The following TBC1D31 variants were observed in gnomAD, a reference collection of about 807,000 sequenced individuals.
TBC1D31 encodes the protein WD repeat domain 67.
In TBC1D31, 99 loss-of-function variants were observed where a neutral mutation model predicts 132.9. The observed-to-expected ratio is 0.74, with a 90% CI of 0.63 to 0.88. The LOEUF (loss-of-function observed/expected upper bound fraction) is 0.88, where lower values mean the gene tolerates loss of function less well. Ranked by LOEUF, TBC1D31 falls within the 40% of genes least tolerant of loss-of-function variation. The pLI is 0.00. For synonymous variants in TBC1D31, 385 were observed against 419.4 expected (o/e 0.92, Z 1.00); for missense variants, 1,134 against 1,256.6 (o/e 0.90, Z 1.48).
chr8:123,105,727 A>G (rs566448058), intron 8 of TBC1D31, among the ~76,000 whole-genome samples: 37 of 152,292 alleles, frequency 2.4e-4, no homozygotes, highest in Admixed American at 1.4e-3. Context: ...AAGAAAGAAA[A>G]TATAGCTATT....
At position 123,130,239 on chromosome 8, in the gene TBC1D31, A is replaced by C. The variant is rs761681110; in HGVS notation, c.2312A>C (p.His771Pro). ...AGAGAGCTGAAAGTAAAGGAAATGCACTTACAAGATGCTGCAAGAAGGCGT... is the reference window on the plus strand; with the variant it reads ...AGAGAGCTGAAAGTAAAGGAAATGCCCTTACAAGATGCTGCAAGAAGGCGT... The part of the protein sequence containing the change: ...VKRELKVKEM[H>P]LQDAARRRFL... The change falls in exon 16 of 22, where the codon CAC (histidine) becomes CCC (proline). Residue 771 changes from histidine to proline, a missense_variant. By Grantham distance (77) the His-to-Pro change is moderately conservative. Coordinates refer to ENST00000287380, the MANE Select transcript of TBC1D31 (RefSeq NM_145647.4). 1.2e-6 allele frequency: 2 copies of C among 1,613,190 alleles called. No homozygotes were observed. Among genetic ancestry groups the C allele is most frequent in the Non-Finnish European group, 1.7e-6 (2 of 1,179,538 alleles).
At chr8:123,101,290 C>G (rs1460977802) in intron 7 of TBC1D31, among the ~76,000 whole-genome samples, 1 of 152,198 alleles carries the variant, frequency 6.6e-6, no homozygotes, top group Non-Finnish European at 1.5e-5. Context: ...CTGCAATTCT[C>G]TCTCATGTTT....
chr8:123,108,580 C>T (rs948476757), intron 8 of TBC1D31, among the ~76,000 whole-genome samples: 10 of 152,122 alleles, frequency 6.6e-5, no homozygotes, highest in South Asian at 2.1e-4. Flanking sequence ...GGGCCTAATT[C>T]GGCTATTCAA....
chr8:123,154,878 T>C (rs527867238), downstream of TBC1D31, among the ~76,000 whole-genome samples: 2 of 152,298 alleles, frequency 1.3e-5, no homozygotes, highest in African/African-American at 2.4e-5. Context: ...AAACAGCACA[T>C]TGGAGCAAGG....
At chr8:123,114,037 T>C (rs1427186894) in intron 10 of TBC1D31, among the ~76,000 whole-genome samples, 1 of 152,156 alleles carries the variant, frequency 6.6e-6, no homozygotes, top group East Asian at 1.9e-4. Flanking sequence ...GTTACAGTGG[T>C]GTTGTGACTA....
Position 123,121,424 on chromosome 8 carries a change from G to A in TBC1D31, c.1570+1236G>A, listed in dbSNP as rs768258482. 4.7e-4 allele frequency among the ~76,000 whole-genome samples: 71 copies of A among 152,130 alleles called. 1 individual carries two copies. The highest frequency in any genetic ancestry group is 1.0e-3 in the Admixed American group (16 of 15,272). On this transcript the variant is annotated intron_variant, in intron 11 of 21. Transcript: ENST00000287380. Reference sequence around the variant, plus strand: ...TGGATGTGTGTCCTCTCCAAATGTCGTGTTGAAATGTGATCCCTGATGTTG... The same window carrying A: ...TGGATGTGTGTCCTCTCCAAATGTCATGTTGAAATGTGATCCCTGATGTTG...
In TBC1D31 at chr8:123,129,128, A is replaced by G. The variant is rs201999431; in HGVS notation, c.2180A>G (p.Tyr727Cys). 43 of 1,610,824 alleles carry G rather than the reference A, an allele frequency of 2.7e-5. No homozygotes were observed. The Middle Eastern group carries it at 5.0e-4, about 19-fold the overall frequency. Residue 727 changes from tyrosine to cysteine, a missense_variant, in exon 15 of 22, where the codon TAC becomes TGC. Tyr to Cys is a radical substitution (Grantham distance 194, BLOSUM62 -2). Coordinates refer to ENST00000287380, the MANE Select transcript of TBC1D31 (RefSeq NM_145647.4). ...DQQRVEDEAW[Y>C]QKQELLRKAE... The stretch of plus-strand genomic sequence containing the variant: ...CAAAGAGTTGAAGATGAAGCTTGGT[A>G]CCAGAAACAGGAGCTGCTTCGTAAA...
chr8:123,151,750 A>T (rs1367172193), intron 21 of TBC1D31, 56 bp from the exon 22 acceptor site: 2 of 1,473,454 alleles, frequency 1.4e-6, no homozygotes, highest in Non-Finnish European at 1.8e-6. Flanking sequence ...TAAATGCTGT[A>T]TCACCGCTAA....
chr8:123,160,905 C>G, the TBC1D31 span, among the ~76,000 whole-genome samples: 1 of 152,312 alleles, frequency 6.6e-6, no homozygotes, highest in South Asian at 2.1e-4. Context: ...TTCCCAGCTG[C>G]GGCGATGAGG....
chr8:123,149,147 G>A (rs997009077), intron 20 of TBC1D31, among the ~76,000 whole-genome samples: 2 of 152,092 alleles, frequency 1.3e-5, no homozygotes, highest in Non-Finnish European at 2.9e-5. Flanking sequence ...ACCGTTCTCT[G>A]GAACAGTGCA....
At chr8:123,119,447 A>T (rs1272509857) in intron 10 of TBC1D31, among the ~76,000 whole-genome samples, 1 of 152,224 alleles carries the variant, frequency 6.6e-6, no homozygotes, top group East Asian at 1.9e-4. Flanking sequence ...ACAGTGGCTC[A>T]CGCCTCTAAT....
chr8:123,105,431 A>T lies in TBC1D31; in HGVS notation c.1176A>T (p.Lys392Asn). The change falls in exon 8 of 22, where the codon AAA (lysine) becomes AAT (asparagine). Residue 392 changes from lysine (K) to asparagine (N), a missense_variant. Coordinates refer to ENST00000287380, the MANE Select transcript of TBC1D31 (RefSeq NM_145647.4). ...GCAAAATGCAAACTAGAATATTAAA[A>T]CAAGACCTGACTGGTGATTTTGAAA... is the stretch of plus-strand genomic sequence containing the variant. ...RESKMQTRIL[K>N]QDLTGDFESK... The T allele has an allele frequency of 6.2e-7, 1 of 1,611,300 alleles. No individual in the cohort carries two copies. The highest frequency in any genetic ancestry group is 8.5e-7 in the Non-Finnish European group (1 of 1,178,820).
intron 16 of TBC1D31, among the ~76,000 whole-genome samples, chr8:123,132,703 A>T (rs1444051546): frequency 6.6e-6 from 1 of 152,046 alleles, no homozygotes; most frequent in Non-Finnish European, 1.5e-5. Context: ...CACCTGGCCT[A>T]AGTCTTTCAA....
chr8:123,155,802 A>C (rs1349834464), downstream of TBC1D31, among the ~76,000 whole-genome samples: 2 of 152,230 alleles, frequency 1.3e-5, no homozygotes, highest in African/African-American at 4.8e-5. The surrounding 1 kb of genome is among the most constrained non-coding windows in gnomAD (Gnocchi z 4.1). Context: ...TAGGGAAAAG[A>C]AAACACCCAT....
intron 20 of TBC1D31, among the ~76,000 whole-genome samples, chr8:123,149,306 T>G (rs1822556883): frequency 6.6e-6 from 1 of 152,178 alleles, no homozygotes; most frequent in Admixed American, 6.5e-5. Context: ...AACTATGAGG[T>G]AAAACCATTA....
intron 4 of TBC1D31, among the ~76,000 whole-genome samples, chr8:123,090,281 A>G (rs1200016396): frequency 6.6e-6 from 1 of 152,256 alleles, no homozygotes; most frequent in Non-Finnish European, 1.5e-5. Context: ...GTTCAGTATC[A>G]CATAGTTTAG....
At chr8:123,098,721 T>G (rs1817073539) in intron 6 of TBC1D31, among the ~76,000 whole-genome samples, 1 of 152,256 alleles carries the variant, frequency 6.6e-6, no homozygotes. Flanking sequence ...AGTCATTTTC[T>G]GTTACAAATA....
intron 7 of TBC1D31, chr8:123,102,187 C>T (rs1179340571): frequency 2.2e-6 from 1 of 454,590 alleles, no homozygotes; most frequent in Non-Finnish European, 4.4e-6. Context: ...GAAATTGCAC[C>T]TTGGTAGCTC....
At chr8:123,128,085 T>TA in intron 13 of TBC1D31, 196 bp from the exon 14 acceptor site, 1 of 391,162 alleles carries the variant, frequency 2.6e-6, no homozygotes, top group Non-Finnish European at 4.5e-6. Context: ...CAGAATTTCT[T>TA]ATGATTGTGA....
Sources: allele counts gnomAD v4.1 joint callset (sites outside exome capture counted in the v4.1 genomes callset), GRCh38; gene constraint gnomAD v4.1.1; non-coding constraint Gnocchi (gnomAD v3.1); transcripts MANE v1.5; gene names NCBI Gene and HGNC (gene_info 2026-07-23, HGNC 2026-07-21).